Variants in ACOT1 observed in about 807,000 individuals in gnomAD.
ACOT1 encodes the protein acyl-CoA thioesterase 1.
A neutral mutation model predicts 15.7 loss-of-function variants in ACOT1; 8 were observed. That is an observed-to-expected ratio of 0.51 (90% CI 0.30 to 0.92). The LOEUF is 0.92. Among genes scored for constraint, ACOT1 ranks in the 40% least tolerant of loss-of-function variants. The pLI is 0.06. For missense variants in ACOT1, 151 were observed against 539.4 expected (o/e 0.28, Z 7.13); for synonymous variants, 67 against 241.2 (o/e 0.28, Z 6.69).
chr14:73,542,611 G>C (rs1889126043), intron 2 of ACOT1, among the ~76,000 whole-genome samples: 1 of 107,326 alleles, frequency 9.3e-6, no homozygotes, highest in Non-Finnish European at 2.0e-5. Context: ...TCACCATATT[G>C]GCCAGGCTGG....
the ACOT1 span, among the ~76,000 whole-genome samples, chr14:73,509,810 C>CTATATATATATATA: frequency 7.9e-5 from 5 of 63,210 alleles, 1 homozygote; most frequent in Non-Finnish European, 1.5e-4. Context: ...CCCCATGAGC[C>CTATATATATATATA]CATATATATA....
At chr14:73,495,356 G>A in the ACOT1 span, 2 of 1,613,724 alleles carry the variant, frequency 1.2e-6, no homozygotes, top group Non-Finnish European at 1.7e-6. Context: ...TATTTTGTGT[G>A]TCAGCAAGTC....
the ACOT1 span, among the ~76,000 whole-genome samples, chr14:73,509,815 T>C: frequency 1.0e-3 from 2 of 2,004 alleles, no homozygotes; most frequent in Non-Finnish European, 1.7e-3. Flanking sequence ...TGAGCCCATA[T>C]ATATATATAT....
chr14:73,522,355 C>G, the ACOT1 span: 1 of 1,614,278 alleles, frequency 6.2e-7, no homozygotes. Context: ...ACTCTGCTGT[C>G]TCTTCTGCCT....
At chr14:73,522,924 C>T in the ACOT1 span, 2 of 1,614,220 alleles carry the variant, frequency 1.2e-6, no homozygotes, top group Non-Finnish European at 1.7e-6. Context: ...TGCCACACCA[C>T]CTCCTGAGAG....
At chr14:73,516,657 C>T in the ACOT1 span, among the ~76,000 whole-genome samples, 1 of 152,190 alleles carries the variant, frequency 6.6e-6, no homozygotes, top group Non-Finnish European at 1.5e-5. Flanking sequence ...GGCCATGGGC[C>T]TGTACCAGTT....
At chr14:73,510,780 T>C in the ACOT1 span, among the ~76,000 whole-genome samples, 1 of 152,154 alleles carries the variant, frequency 6.6e-6, no homozygotes, top group Non-Finnish European at 1.5e-5. Context: ...CACAGAGTCT[T>C]GGGGACAGCA....
chr14:73,502,053 T>A, the ACOT1 span, among the ~76,000 whole-genome samples: 1 of 151,210 alleles, frequency 6.6e-6, no homozygotes, highest in African/African-American at 2.4e-5. Context: ...CCAATTTTTT[T>A]TTTTTTTTTT....
At chr14:73,522,680 C>G in the ACOT1 span, 2 of 1,614,054 alleles carry the variant, frequency 1.2e-6, no homozygotes, top group African/African-American at 2.7e-5. Context: ...GGGTGCTTCC[C>G]GGACGGTGCT....
chr14:73,511,134 A>G, the ACOT1 span, among the ~76,000 whole-genome samples: 11 of 152,312 alleles, frequency 7.2e-5, no homozygotes, highest in Admixed American at 5.2e-4. Flanking sequence ...GTCTACCACT[A>G]GTCTCATTTT....
At chr14:73,528,523 G>A in the ACOT1 span, among the ~76,000 whole-genome samples, 2 of 152,130 alleles carry the variant, frequency 1.3e-5, no homozygotes, top group African/African-American at 4.8e-5. Flanking sequence ...TACTAGGTCT[G>A]ATCAAAAGAG....
chr14:73,500,993 C>G, the ACOT1 span, among the ~76,000 whole-genome samples: 1 of 152,244 alleles, frequency 6.6e-6, no homozygotes, highest in Non-Finnish European at 1.5e-5. Flanking sequence ...TGTCAACTTG[C>G]ACCTCTTTTC....
chr14:73,491,747 A>G, the ACOT1 span: 2 of 1,557,090 alleles, frequency 1.3e-6, no homozygotes, highest in Non-Finnish European at 1.7e-6. Flanking sequence ...ACTTTTCTCT[A>G]CCGCTGACCT....
At chr14:73,497,143 G>C in the ACOT1 span, among the ~76,000 whole-genome samples, 1 of 152,156 alleles carries the variant, frequency 6.6e-6, no homozygotes, top group Non-Finnish European at 1.5e-5. Context: ...TGATCCACCC[G>C]CCTTGGCCTC....
At chr14:73,498,281 T>C in the ACOT1 span, 3 of 1,613,906 alleles carry the variant, frequency 1.9e-6, no homozygotes, top group East Asian at 2.2e-5. Context: ...TGACTCTTCA[T>C]AGTGGATAGC....
At chr14:73,500,487 C>G in the ACOT1 span, 2 of 1,518,236 alleles carry the variant, frequency 1.3e-6, no homozygotes, top group Non-Finnish European at 1.8e-6. Flanking sequence ...TGTGCACAAC[C>G]AGGGAAGGTA....
the ACOT1 span, chr14:73,506,407 G>A: frequency 5.9e-6 from 7 of 1,179,524 alleles, no homozygotes; most frequent in African/African-American, 3.0e-5. Context: ...AAAAGTAGAA[G>A]GCCTCTGTAG....
At chr14:73,510,410 C>T in the ACOT1 span, among the ~76,000 whole-genome samples, 1 of 151,232 alleles carries the variant, frequency 6.6e-6, no homozygotes, top group African/African-American at 2.4e-5. Flanking sequence ...TCAGGCATCC[C>T]TGTTGGCTGG....
chr14:73,520,770 A>G, the ACOT1 span: 45 of 1,325,900 alleles, frequency 3.4e-5, no homozygotes, highest in Non-Finnish European at 4.2e-5. Context: ...CATACCCACA[A>G]CTGTTTCCAG....
Sources: allele counts gnomAD v4.1 joint callset (sites outside exome capture counted in the v4.1 genomes callset), GRCh38; gene constraint gnomAD v4.1.1; transcripts MANE v1.5; gene names NCBI Gene and HGNC (gene_info 2026-07-23, HGNC 2026-07-21).